Variants in ANK2 observed in about 807,000 individuals in gnomAD.
The protein encoded by ANK2 is ankyrin-2.
ANK2 carries 83 observed loss-of-function variants against 360.5 expected under a neutral mutation model. The observed-to-expected ratio is 0.23, with a 90% CI of 0.19 to 0.28. ANK2 has a LOEUF of 0.28. Ranked by LOEUF, ANK2 falls within the 10% of genes least tolerant of loss-of-function variation. The pLI, the probability that ANK2 is intolerant of heterozygous loss-of-function variation, is 1.00. For missense variants in ANK2, 4,201 were observed against 4,795.7 expected, an observed-to-expected ratio of 0.88 and a Z score of 3.66; for synonymous variants, 1,740 against 1,759.5, an observed-to-expected ratio of 0.99 and a Z score of 0.28.
chr4:112,996,909 T>C (rs935599908), intron 2 of ANK2, among the ~76,000 whole-genome samples: 1 of 152,104 alleles, frequency 6.6e-6, no homozygotes, highest in Non-Finnish European at 1.5e-5. Flanking sequence ...CCCTACTACC[T>C]TTCCCAGCCT....
chr4:113,033,671 C>T (rs2060929579), intron 2 of ANK2: 1 of 151,904 alleles, frequency 6.6e-6, no homozygotes. Flanking sequence ...ACTTTTATTA[C>T]TGCCGTTATC....
At chr4:113,231,807 G>T (rs1337700329) in intron 4 of ANK2, among the ~76,000 whole-genome samples, 2 of 151,820 alleles carry the variant, frequency 1.3e-5, no homozygotes, top group Non-Finnish European at 2.9e-5. Flanking sequence ...TTTCACCATT[G>T]TCCAGGCAGG....
chr4:113,253,709 C>G (rs2047725725), intron 10 of ANK2, among the ~76,000 whole-genome samples: 1 of 152,176 alleles, frequency 6.6e-6, no homozygotes, highest in East Asian at 1.9e-4. Context: ...CCAACAATCT[C>G]ATTACTACCA....
chr4:112,849,847 G>A (rs1358022338), intron 1 of ANK2, among the ~76,000 whole-genome samples: 1 of 152,194 alleles, frequency 6.6e-6, no homozygotes, highest in Non-Finnish European at 1.5e-5. Context: ...GTGTCTGTGA[G>A]GGTGTTTCCA....
chr4:112,889,649 A>G (rs2079406172), intron 1 of ANK2, among the ~76,000 whole-genome samples: 1 of 152,146 alleles, frequency 6.6e-6, no homozygotes, highest in Non-Finnish European at 1.5e-5. Context: ...AAATGAAAGT[A>G]AAACATGATA....
At chr4:112,749,058 C>G in the ANK2 span, among the ~76,000 whole-genome samples, 10 of 152,216 alleles carry the variant, frequency 6.6e-5, no homozygotes, top group East Asian at 1.2e-3. Flanking sequence ...TGCCACCACG[C>G]CCATCTGATT....
chr4:112,827,739 A>C, intron 1 of ANK2: 1 of 486,850 alleles, frequency 2.1e-6, no homozygotes, highest in Non-Finnish European at 3.7e-6. Flanking sequence ...ATGGAAAAAC[A>C]TTTCATGCTC....
the ANK2 span, among the ~76,000 whole-genome samples, chr4:112,749,063 C>T: frequency 6.6e-6 from 1 of 152,060 alleles, no homozygotes; most frequent in African/African-American, 2.4e-5. Context: ...CCACGCCCAT[C>T]TGATTTTTTT....
chr4:112,968,821 TTGTTCATTTCTCTACTTA>T (rs2038343279), intron 2 of ANK2, among the ~76,000 whole-genome samples: 2 of 152,234 alleles, frequency 1.3e-5, no homozygotes, highest in African/African-American at 4.8e-5. Context: ...TGCCCTATAG[TTGTTCATTTCTCTACTTA>T]TACTGATTTT....
chr4:113,079,416 A>C (rs1304102503), intron 1 of ANK2, among the ~76,000 whole-genome samples: 1 of 152,196 alleles, frequency 6.6e-6, no homozygotes, highest in Non-Finnish European at 1.5e-5. Context: ...ACTCATTCAG[A>C]TAGAATTGCC....
chr4:112,828,450 G>C (rs571129268), intron 1 of ANK2, among the ~76,000 whole-genome samples: 1 of 152,094 alleles, frequency 6.6e-6, no homozygotes, highest in African/African-American at 2.4e-5. Flanking sequence ...GGCCAGGCTG[G>C]TGTTGAATTC....
intron 1 of ANK2, among the ~76,000 whole-genome samples, chr4:113,077,366 A>AT (rs1280406575): frequency 2.0e-5 from 3 of 152,122 alleles, no homozygotes; most frequent in Admixed American, 6.6e-5. Context: ...GGTGGTTTTA[A>AT]TTTTTTTCTT....
Position 113,208,165 on chromosome 4 carries a change from T to G in ANK2, c.384+9056T>G, listed in dbSNP as rs536958061. ...GGGGTGGAACAAGCTCAGGATTCTG[T>G]TTTGGATTCTGAAAACATGACCCTG... On this transcript the variant is annotated intron_variant, in intron 4 of 45. Transcript: ENST00000357077. Among the ~76,000 whole-genome samples, 11 of 152,014 alleles carry G rather than the reference T, an allele frequency of 7.2e-5. No individual in the cohort carries two copies. The East Asian group carries it at 1.9e-3, about 27-fold the overall frequency.
At chr4:112,821,633 A>G (rs1579013842) in intron 1 of ANK2, among the ~76,000 whole-genome samples, 1 of 151,118 alleles carries the variant, frequency 6.6e-6, no homozygotes, top group African/African-American at 2.4e-5. Flanking sequence ...CTCTTGAGTA[A>G]CTGGGATTAT....
intron 1 of ANK2, chr4:112,882,320 C>A (rs953150042): frequency 6.6e-6 from 1 of 152,286 alleles, no homozygotes; most frequent in African/African-American, 2.4e-5. Flanking sequence ...TCTGAAGTTG[C>A]TGAAATATTT....
At chr4:113,183,267 G>A (rs1275363566) in intron 2 of ANK2, among the ~76,000 whole-genome samples, 3 of 152,144 alleles carry the variant, frequency 2.0e-5, no homozygotes, top group Non-Finnish European at 2.9e-5. Flanking sequence ...TAATAATCCA[G>A]GAGAGTGGGA....
At chr4:113,209,698 C>T (rs1355803827) in intron 4 of ANK2, among the ~76,000 whole-genome samples, 4 of 151,986 alleles carry the variant, frequency 2.6e-5, no homozygotes, top group African/African-American at 4.8e-5. Flanking sequence ...GCAGAAGTTA[C>T]AGGCAAAATT....
the ANK2 span, among the ~76,000 whole-genome samples, chr4:112,766,964 GTCACTGTC>G: frequency 1.3e-5 from 2 of 152,168 alleles, no homozygotes; most frequent in African/African-American, 4.8e-5. Context: ...TATCCATTCA[GTCACTGTC>G]ACCTGTGCTA....
At chr4:112,933,404 T>G (rs41496644) in intron 2 of ANK2, among the ~76,000 whole-genome samples, 18,037 of 152,198 alleles carry the variant, frequency 0.12, 1,826 homozygotes, top group East Asian at 0.33. Flanking sequence ...ACTCTGTAGC[T>G]TTGGATATAT....
Sources: gnomAD v4.1 joint callset for allele counts (sites outside exome capture counted in the v4.1 genomes callset) on GRCh38, gnomAD v4.1.1 for gene constraint, MANE v1.5 for transcripts, NCBI Gene and HGNC (gene_info 2026-07-23, HGNC 2026-07-21) for gene names.